Variants in FBXO21 observed in about 807,000 individuals in gnomAD.
The protein encoded by FBXO21 is F-box protein 21.
Under a neutral mutation model 76.6 loss-of-function variants are expected in FBXO21, and 32 were observed. The observed-to-expected ratio is 0.42, with a 90% CI of 0.32 to 0.56. The LOEUF (loss-of-function observed/expected upper bound fraction) is 0.56. Ranked by LOEUF, FBXO21 falls within the 20% of genes least tolerant of loss-of-function variation. The pLI is 0.16. For missense variants in FBXO21, 586 were observed against 797.3 expected, an observed-to-expected ratio of 0.73 and a Z score of 3.19; for synonymous variants, 328 against 311.5, an observed-to-expected ratio of 1.05 and a Z score of -0.56.
intron 10 of FBXO21, among the ~76,000 whole-genome samples, chr12:117,157,641 A>T (rs76725135): frequency 0.18 from 27,400 of 152,102 alleles, 3,173 homozygotes; most frequent in Admixed American, 0.35. Context: ...AAAACACTAG[A>T]AGATCTCTCA....
intron 7 of FBXO21, among the ~76,000 whole-genome samples, chr12:117,170,890 G>T (rs553211297): frequency 6.6e-6 from 1 of 152,210 alleles, no homozygotes; most frequent in South Asian, 2.1e-4. Flanking sequence ...TGGGTTATTT[G>T]GGGAGAGGGA....
In FBXO21 at chr12:117,165,540, T is replaced by C; in HGVS notation, c.1271A>G (p.Gln424Arg). Residue 424 changes from glutamine (Q) to arginine (R), a missense_variant, in exon 9 of 12, where the codon CAG becomes CGG. By Grantham distance (43) the Gln-to-Arg change is conservative. Transcript: ENST00000622495. ...AAGCCTGGCTTGGAGGAGGAGAAGC[T>C]GCACCTGGTCCGGGTACATTGCCAG... ...LYLAMYPDQVQLLLLQARLYF... is the reference protein window; with the variant it reads ...LYLAMYPDQVRLLLLQARLYF... 1 of 1,613,996 alleles carries C rather than the reference T, an allele frequency of 6.2e-7. No individual in the cohort carries two copies. Among genetic ancestry groups the C allele is most frequent in the Non-Finnish European group, 8.5e-7 (1 of 1,179,914 alleles).
At position 117,145,811 on chromosome 12, in the gene FBXO21, T is replaced by C. The variant is rs1336174097; in HGVS notation, c.*276A>G. The C allele has an allele frequency of 4.3e-5, 12 of 282,070 alleles. No homozygotes were observed. Among genetic ancestry groups the C allele is most frequent in the African/African-American group, 2.6e-4 (12 of 45,928 alleles). 17.5% of individuals were successfully genotyped at this position (282,070 alleles called of 1,614,324 possible). On this transcript the variant is annotated 3_prime_UTR_variant, in exon 12 of 12. Coordinates refer to ENST00000622495, the MANE Select transcript of FBXO21 (RefSeq NM_015002.3). ...ACTGTGAGACCTCATGAAGACAGAA[T>C]GTCACAAACTGTCACCACAGGACAA...
In FBXO21 at chr12:117,153,408, A is replaced by G. The variant is rs781468339; in HGVS notation, c.1675+2383T>C. ...TTACAGAGATAATCGAGTTAAAACA[A>G]TGGGTTCAGTGAGTCGGGGTAACAA... is the stretch of plus-strand genomic sequence containing the variant. On this transcript the variant is annotated intron_variant, in intron 11 of 11. Transcript: ENST00000622495. 9.0e-4 allele frequency among the ~76,000 whole-genome samples: 137 copies of G among 152,312 alleles called. 1 individual carries two copies. The highest frequency in any genetic ancestry group is 1.1e-3 in the Non-Finnish European group (74 of 68,034).
chr12:117,156,979 T>C (rs1298682912), intron 10 of FBXO21, among the ~76,000 whole-genome samples: 1 of 151,988 alleles, frequency 6.6e-6, no homozygotes, highest in Non-Finnish European at 1.5e-5. Flanking sequence ...GGTCAGGAGT[T>C]AGTGACGTGC....
chr12:117,158,555 G>A (rs1218790456), intron 9 of FBXO21, among the ~76,000 whole-genome samples: 1 of 152,342 alleles, frequency 6.6e-6, no homozygotes, highest in Non-Finnish European at 1.5e-5. Context: ...TCGAGACGAA[G>A]AGGATGTCTG....
chr12:117,188,232 G>A, intron 2 of FBXO21, among the ~76,000 whole-genome samples: 1 of 152,110 alleles, frequency 6.6e-6, no homozygotes, highest in East Asian at 1.9e-4. Flanking sequence ...TTACAAAAAG[G>A]GATCAGGGGC....
At chr12:117,164,529 A>G (rs750214818) in intron 9 of FBXO21, among the ~76,000 whole-genome samples, 1 of 151,740 alleles carries the variant, frequency 6.6e-6, no homozygotes, top group African/African-American at 2.4e-5. Context: ...ACCTGCTTCA[A>G]CCTCCCAAAG....
intron 2 of FBXO21, among the ~76,000 whole-genome samples, chr12:117,188,106 T>C (rs1290143350): frequency 1.3e-5 from 2 of 152,344 alleles, no homozygotes; most frequent in Non-Finnish European, 1.5e-5. Flanking sequence ...AAGGAGTCTT[T>C]AGGAAAACAA....
At chr12:117,162,726 A>G (rs963629110) in intron 9 of FBXO21, among the ~76,000 whole-genome samples, 8 of 152,134 alleles carry the variant, frequency 5.3e-5, no homozygotes, top group African/African-American at 1.9e-4. Flanking sequence ...GCCTTCCACA[A>G]ACTGGTCTCA....
intron 2 of FBXO21, chr12:117,188,881 T>TTGG (rs1956316112): frequency 1.3e-5 from 3 of 239,816 alleles, no homozygotes; most frequent in East Asian, 1.8e-4. Flanking sequence ...CAATCATTGA[T>TTGG]GATTCCCCAA....
At position 117,158,013 on chromosome 12, in the gene FBXO21, C is replaced by T. The variant is rs189283338; in HGVS notation, c.1377G>A (p.Gly459=). The change falls in exon 10 of 12, where the codon GGG becomes GGA. Residue 459 remains glycine, a synonymous_variant. Coordinates refer to ENST00000622495, the MANE Select transcript of FBXO21 (RefSeq NM_015002.3). ...TGTGCTGCACCAGGTAGCCCACCGC[C>T]CCGTGCTGCCCCGGGTCTAGGGTTT... ...HIQTLDPGQH[G]AVGYLVQHTL... is the part of the protein sequence containing the mutation. The T allele has an allele frequency of 6.3e-4, 1,013 of 1,614,230 alleles. 4 individuals are homozygous for T. The highest frequency in any genetic ancestry group is 2.5e-3 in the South Asian group (224 of 91,088).
intron 7 of FBXO21, among the ~76,000 whole-genome samples, chr12:117,170,478 GATAATT>G (rs920884097): frequency 5.1e-4 from 78 of 152,298 alleles, no homozygotes; most frequent in African/African-American, 1.7e-3. Flanking sequence ...AGATATCAGG[GATAATT>G]ATAAAGTTAC....
chr12:117,175,855 G>A (rs1308826492), intron 4 of FBXO21, among the ~76,000 whole-genome samples: 1 of 152,182 alleles, frequency 6.6e-6, no homozygotes, highest in African/African-American at 2.4e-5. Context: ...TGACACTGAT[G>A]TGGAAGTTCT....
At chr12:117,179,516 A>G (rs566094439) in intron 3 of FBXO21, among the ~76,000 whole-genome samples, 131 of 151,790 alleles carry the variant, frequency 8.6e-4, no homozygotes, top group African/African-American at 3.1e-3. Context: ...GCAGTTTCCC[A>G]TCGTCTGAAA....
At chr12:117,183,700 C>G (rs1248560015) in intron 3 of FBXO21, among the ~76,000 whole-genome samples, 1 of 152,226 alleles carries the variant, frequency 6.6e-6, no homozygotes, top group African/African-American at 2.4e-5. Flanking sequence ...TTCATGCTCT[C>G]TTGGCCATAT....
chr12:117,181,546 T>C (rs943977688), intron 3 of FBXO21, among the ~76,000 whole-genome samples: 5 of 152,174 alleles, frequency 3.3e-5, no homozygotes, highest in Non-Finnish European at 7.3e-5. Context: ...TATTTATATC[T>C]ATCTATCTAT....
intron 7 of FBXO21, among the ~76,000 whole-genome samples, chr12:117,170,863 T>TA (rs1348691431): frequency 2.6e-5 from 4 of 152,136 alleles, no homozygotes; most frequent in Non-Finnish European, 4.4e-5. Context: ...ATTTTGGAGA[T>TA]ACTTGGGGAG....
intron 7 of FBXO21, among the ~76,000 whole-genome samples, chr12:117,168,853 G>A (rs1454444129): frequency 1.3e-5 from 2 of 152,218 alleles, no homozygotes; most frequent in Non-Finnish European, 2.9e-5. Flanking sequence ...GGAGAAAAAG[G>A]AATGCTTATA....
Sources: allele counts gnomAD v4.1 joint callset (sites outside exome capture counted in the v4.1 genomes callset), GRCh38; gene constraint gnomAD v4.1.1; transcripts MANE v1.5; gene names NCBI Gene and HGNC (gene_info 2026-07-23, HGNC 2026-07-21).